PPP1R36: variants seen among roughly 807,000 people sequenced by gnomAD.
PPP1R36 encodes the protein chromosome 14 open reading frame 50.
In PPP1R36, 47 loss-of-function variants were observed where a neutral mutation model predicts 53.4. That is an observed-to-expected ratio of 0.88 (90% CI 0.70 to 1.12). The LOEUF (loss-of-function observed/expected upper bound fraction) is 1.12, where lower values mean the gene tolerates loss of function less well. Among genes scored for constraint, PPP1R36 ranks in the 50% most tolerant of loss-of-function variants. The pLI is 0.00. For synonymous variants in PPP1R36, 153 were observed against 170.5 expected (o/e 0.90, Z 0.80); for missense variants, 456 against 513.9 (o/e 0.89, Z 1.09).
chr14:64,577,718 C>CTTTTTTTTTTT lies in PPP1R36; in HGVS notation c.668+3144_668+3154dup, dbSNP rs10667127. 2.1e-4 allele frequency among the ~76,000 whole-genome samples: 20 copies of CTTTTTTTTTTT among 94,448 alleles called. 2 individuals carry two copies. The highest frequency in any genetic ancestry group is 9.8e-4 in the East Asian group (3 of 3,046). 62.0% of individuals were successfully genotyped at this position (94,448 alleles called of 152,430 possible). A position where few individuals can be genotyped will look rare whatever the true frequency, so the allele number is the denominator to read the frequency against. On this transcript the variant is annotated intron_variant, in intron 8 of 11. Coordinates refer to ENST00000298705, the MANE Select transcript of PPP1R36 (RefSeq NM_172365.3). ...TTTTTAAGCTTTGCTGCCATGATTA[C>CTTTTTTTTTTT]TTTTTTTTTTTTTTTTTTTTTTTTT...
intron 3 of PPP1R36, among the ~76,000 whole-genome samples, chr14:64,558,011 A>G (rs2080171309): frequency 6.6e-6 from 1 of 152,112 alleles, no homozygotes; most frequent in South Asian, 2.1e-4. Flanking sequence ...TAGAGAAAGA[A>G]TGATTAGAAA....
chr14:64,567,142 C>A (rs2080265579), intron 6 of PPP1R36, among the ~76,000 whole-genome samples: 1 of 152,224 alleles, frequency 6.6e-6, no homozygotes, highest in Non-Finnish European at 1.5e-5. Flanking sequence ...AATGCTCACC[C>A]TCATCCTGCT....
At chr14:64,550,515 TCA>T (rs1400410356) in intron 1 of PPP1R36, among the ~76,000 whole-genome samples, 1 of 152,242 alleles carries the variant, frequency 6.6e-6, no homozygotes, top group Non-Finnish European at 1.5e-5. Context: ...GTCCTGGGTA[TCA>T]GTTTATTGTC....
At chr14:64,563,024 G>A (rs1237231812) in intron 3 of PPP1R36, among the ~76,000 whole-genome samples, 5 of 151,898 alleles carry the variant, frequency 3.3e-5, no homozygotes, top group Non-Finnish European at 5.9e-5. Flanking sequence ...GGGCCACCAC[G>A]CCTGGCTAAT....
chr14:64,551,286 C>T (rs1337200343), intron 2 of PPP1R36, among the ~76,000 whole-genome samples: 1 of 152,212 alleles, frequency 6.6e-6, no homozygotes, highest in Non-Finnish European at 1.5e-5. Flanking sequence ...TTAGCCCAAT[C>T]ACACAGCTCA....
chr14:64,550,618 T>G (rs1273874607), intron 1 of PPP1R36, among the ~76,000 whole-genome samples: 1 of 152,138 alleles, frequency 6.6e-6, no homozygotes, highest in African/African-American at 2.4e-5. Context: ...CTCCGCTGCT[T>G]CTTTCCTCTT....
intron 3 of PPP1R36, chr14:64,559,523 C>A (rs570509768): frequency 7.2e-5 from 11 of 152,418 alleles, no homozygotes; most frequent in Admixed American, 4.6e-4. Flanking sequence ...ATCTAAGCTA[C>A]GACCTGAGGA....
At chr14:64,579,371 T>A (rs2080368338) in intron 8 of PPP1R36, among the ~76,000 whole-genome samples, 1 of 152,226 alleles carries the variant, frequency 6.6e-6, no homozygotes, top group African/African-American at 2.4e-5. Context: ...GTAGATTTAA[T>A]ATAGAGATAC....
Position 64,568,484 on chromosome 14 carries a change from C to T in PPP1R36, c.533+37C>T, listed in dbSNP as rs773932544. 29 of 928,276 alleles carry T rather than the reference C, an allele frequency of 3.1e-5. No individual in the cohort carries two copies. In the Admixed American group the frequency reaches 5.2e-4, roughly 17 times the overall value. 57.5% of individuals were successfully genotyped at this position (928,276 alleles called of 1,614,324 possible). On this transcript the variant is annotated intron_variant, in intron 7 of 11. Transcript: ENST00000298705. ...TTTATAGTGTGCTTTAGAGTTTTAT[C>T]ACTGCCAGTATTAAAAGTAACTTTT...
intron 8 of PPP1R36, 80 bp from the exon 9 acceptor site, chr14:64,586,757 C>G: frequency 1.0e-6 from 1 of 962,448 alleles, no homozygotes; most frequent in Non-Finnish European, 1.6e-6. Context: ...ATGACCCTAA[C>G]TTTAGAGAAA....
At chr14:64,589,067 TACAC>T (rs1270351674) in intron 11 of PPP1R36, 81 bp from the exon 12 acceptor site, 3 of 993,260 alleles carry the variant, frequency 3.0e-6, no homozygotes, top group Non-Finnish European at 4.6e-6. Flanking sequence ...CACACATACA[TACAC>T]ACAACCACAA....
At chr14:64,565,852 A>G (rs2080249403) in intron 6 of PPP1R36, among the ~76,000 whole-genome samples, 160 bp downstream of exon 6, 1 of 152,234 alleles carries the variant, frequency 6.6e-6, no homozygotes, top group Non-Finnish European at 1.5e-5. Context: ...GCGACCAAAG[A>G]GTCAGGGAGA....
At chr14:64,563,002 G>C (rs1270979192) in intron 3 of PPP1R36, among the ~76,000 whole-genome samples, 4 of 152,100 alleles carry the variant, frequency 2.6e-5, no homozygotes, top group Admixed American at 1.3e-4. Flanking sequence ...AGGTAGCTGG[G>C]ATTACAGGCA....
chr14:64,556,951 C>T (rs1027762993), intron 3 of PPP1R36, among the ~76,000 whole-genome samples: 2 of 151,416 alleles, frequency 1.3e-5, no homozygotes, highest in Non-Finnish European at 2.9e-5. Flanking sequence ...TGCGCCCACC[C>T]GCCGCCCCCC....
chr14:64,571,443 CATA>C (rs1596737547), intron 7 of PPP1R36, among the ~76,000 whole-genome samples: 1 of 152,150 alleles, frequency 6.6e-6, no homozygotes, highest in East Asian at 1.9e-4. Context: ...TACTTTTAAA[CATA>C]ATATCATATG....
chr14:64,584,170 G>A (rs2080413388), intron 8 of PPP1R36, among the ~76,000 whole-genome samples: 1 of 152,070 alleles, frequency 6.6e-6, no homozygotes, highest in Admixed American at 6.6e-5. Flanking sequence ...CCAAAGTGCT[G>A]GGATTACAGG....
chr14:64,588,558 T>A, intron 11 of PPP1R36: 2 of 277,682 alleles, frequency 7.2e-6, no homozygotes, highest in Non-Finnish European at 6.6e-6. Context: ...GTAACTGATT[T>A]TTTTTTTTTT....
Position 64,575,096 on chromosome 14 carries a change from G to A in PPP1R36, c.668+507G>A, listed in dbSNP as rs537393480. Among the ~76,000 whole-genome samples the A allele has an allele frequency of 2.0e-5, 3 of 152,256 alleles. No homozygotes were observed. The East Asian group carries it at 5.8e-4, about 29-fold the overall frequency. ...CACCACTGTAATTAAAACTTAAAGA[G>A]GAGTCTCATCACAGGTTTGGGATCA... On this transcript the variant is annotated intron_variant, in intron 8 of 11. Transcript: ENST00000298705.
In PPP1R36 at chr14:64,589,363, A is replaced by G; in HGVS notation, c.*25A>G. 1 of 1,517,088 alleles carries G rather than the reference A, an allele frequency of 6.6e-7. No homozygotes were observed. Among genetic ancestry groups the G allele is most frequent in the Non-Finnish European group, 9.0e-7 (1 of 1,112,888 alleles). 94.0% of individuals were successfully genotyped at this position (1,517,088 alleles called of 1,614,324 possible). A position where few individuals can be genotyped will look rare whatever the true frequency, so the allele number is the denominator to read the frequency against. On this transcript the variant is annotated 3_prime_UTR_variant, in exon 12 of 12. Transcript: ENST00000298705. ...ACCTGGTACATTCCATATCTCAAGT[A>G]AACTACTTTGACTTTATAGAAGATG...
Sources: gnomAD v4.1 joint callset for allele counts (sites outside exome capture counted in the v4.1 genomes callset) on GRCh38, gnomAD v4.1.1 for gene constraint, MANE v1.5 for transcripts, NCBI Gene and HGNC (gene_info 2026-07-23, HGNC 2026-07-21) for gene names.